Variants in FAM81B observed in about 807,000 individuals in gnomAD.
The protein encoded by FAM81B is protein FAM81B.
A neutral mutation model predicts 58.7 loss-of-function variants in FAM81B; 60 were observed. The ratio of observed to expected loss-of-function variants is 1.02; its 90% CI spans 0.83 to 1.27. The LOEUF is 1.27. Among genes scored for constraint, FAM81B ranks in the 50% most tolerant of loss-of-function variants. The pLI, the probability that FAM81B is intolerant of heterozygous loss-of-function variation, is 0.00. For missense variants in FAM81B, 491 were observed against 522.0 expected (o/e 0.94, Z 0.58); for synonymous variants, 189 against 179.6 (o/e 1.05, Z -0.42).
chr5:95,403,788 C>A (rs1310390145), intron 3 of FAM81B, among the ~76,000 whole-genome samples: 1 of 152,164 alleles, frequency 6.6e-6, no homozygotes, highest in African/African-American at 2.4e-5. Context: ...TCCAGAAGCC[C>A]CATAGCAGGT....
Position 95,423,547 on chromosome 5 carries a change from TAAAAAA to T in FAM81B, c.656+3161_656+3166del, listed in dbSNP as rs70978187. Among the ~76,000 whole-genome samples the T allele has an allele frequency of 9.4e-4, 116 of 123,460 alleles. 1 individual carries two copies. The highest frequency in any genetic ancestry group is 8.6e-3 in the Middle Eastern group (2 of 232). The allele number at this position is 123,460 out of a possible 152,430, so 81.0% of individuals were successfully genotyped here. On this transcript the variant is annotated intron_variant, in intron 5 of 9. Coordinates refer to ENST00000283357, the MANE Select transcript of FAM81B (RefSeq NM_152548.3). ...ACTCCAGAACAAACCTGCATGTGGG[TAAAAAA>T]AAAAAAAAAAAAAAAGATAAATTTT... is the stretch of plus-strand genomic sequence containing the variant.
chr5:95,423,839 C>G (rs1762752343), intron 5 of FAM81B, among the ~76,000 whole-genome samples: 1 of 152,128 alleles, frequency 6.6e-6, no homozygotes, highest in African/African-American at 2.4e-5. Flanking sequence ...TACAGTCCTT[C>G]TCAGATTTAA....
chr5:95,414,177 G>A lies in FAM81B; in HGVS notation c.524G>A (p.Ser175Asn), dbSNP rs1172129627. ...ATCACCAGCATCGTCAAAAAACTCA[G>A]CCAAAATATTGAGGTAGTTCTCTTT... Reference protein sequence around the residue: ...QTITSIVKKLSQNIEILEDQI... With the variant: ...QTITSIVKKLNQNIEILEDQI... The change falls in exon 4 of 10, where the codon AGC (serine) becomes AAC (asparagine). Residue 175 changes from serine to asparagine, a missense_variant. By Grantham distance (46) the Ser-to-Asn change is conservative. Coordinates refer to ENST00000283357, the MANE Select transcript of FAM81B (RefSeq NM_152548.3). 6.2e-7 allele frequency: 1 copy of A among 1,610,424 alleles called. No homozygotes were observed. Among genetic ancestry groups the A allele is most frequent in the East Asian group, 2.2e-5 (1 of 44,846 alleles).
rs567398182 is a variant in FAM81B at position 95,442,780 on chromosome 5, CT to C, written c.894-3781del. ...GAAGAAATTAGTTTGAGAGTTCTAC[CT>C]GTAGGTGTAAAGTTAGTAGAAAAAC... On this transcript the variant is annotated intron_variant, in intron 7 of 9. Coordinates refer to ENST00000283357, the MANE Select transcript of FAM81B (RefSeq NM_152548.3). 1.0e-3 allele frequency among the ~76,000 whole-genome samples: 155 copies of C among 152,268 alleles called. No homozygotes were observed. The Middle Eastern group carries it at 0.014, about 13-fold the overall frequency.
intron 5 of FAM81B, among the ~76,000 whole-genome samples, chr5:95,421,901 G>C (rs1291215093): frequency 6.6e-6 from 1 of 152,198 alleles, no homozygotes; most frequent in Non-Finnish European, 1.5e-5. Context: ...CTTGGAGACT[G>C]GTTGAATACT....
At chr5:95,410,191 G>A (rs955448609) in intron 3 of FAM81B, among the ~76,000 whole-genome samples, 1 of 152,096 alleles carries the variant, frequency 6.6e-6, no homozygotes, top group African/African-American at 2.4e-5. Context: ...CTTTTCTATC[G>A]GGAATGGGGA....
chr5:95,415,440 A>C (rs1468648337), intron 4 of FAM81B, among the ~76,000 whole-genome samples: 1 of 152,236 alleles, frequency 6.6e-6, no homozygotes, highest in Non-Finnish European at 1.5e-5. Context: ...CAGACCCCAT[A>C]ATGTACCTGA....
chr5:95,417,425 G>A (rs1762566164), intron 4 of FAM81B, among the ~76,000 whole-genome samples: 1 of 152,188 alleles, frequency 6.6e-6, no homozygotes, highest in African/African-American at 2.4e-5. Context: ...TTAGGGGGCT[G>A]ACTTGGGAGG....
chr5:95,447,958 C>T (rs972701825), intron 8 of FAM81B, among the ~76,000 whole-genome samples: 17 of 152,106 alleles, frequency 1.1e-4, no homozygotes, highest in Admixed American at 8.5e-4. Context: ...GGGAGTATGT[C>T]CAAGAAACTC....
At chr5:95,428,011 G>A (rs1467055721) in intron 5 of FAM81B, among the ~76,000 whole-genome samples, 5 of 152,198 alleles carry the variant, frequency 3.3e-5, no homozygotes, top group African/African-American at 1.2e-4. Flanking sequence ...ATATGTTAGT[G>A]TGAATTGGTT....
intron 6 of FAM81B, among the ~76,000 whole-genome samples, chr5:95,431,905 G>A (rs1744910820): frequency 6.6e-6 from 1 of 151,862 alleles, no homozygotes; most frequent in South Asian, 2.1e-4. Context: ...TTTAGCTCAT[G>A]TTTTTTCATT....
chr5:95,432,573 T>C (rs573007223), intron 6 of FAM81B, among the ~76,000 whole-genome samples: 1 of 152,176 alleles, frequency 6.6e-6, no homozygotes, highest in Admixed American at 6.5e-5. Flanking sequence ...AGACAAGGTC[T>C]CTTTCTGTTG....
intron 5 of FAM81B, among the ~76,000 whole-genome samples, chr5:95,425,018 A>G (rs2152766028): frequency 6.6e-6 from 1 of 152,204 alleles, no homozygotes; most frequent in Non-Finnish European, 1.5e-5. Context: ...ATGAGTTATA[A>G]AAAGTAAAAA....
chr5:95,433,669 A>G (rs1486922032), intron 6 of FAM81B, among the ~76,000 whole-genome samples: 8 of 152,268 alleles, frequency 5.3e-5, no homozygotes, highest in Admixed American at 4.6e-4. Context: ...ATTTTCATAC[A>G]TGTTCTAAAA....
At chr5:95,437,841 G>A (rs1745166594) in intron 7 of FAM81B, among the ~76,000 whole-genome samples, 1 of 151,564 alleles carries the variant, frequency 6.6e-6, no homozygotes, top group Admixed American at 6.6e-5. Flanking sequence ...CTAGTTACTT[G>A]GATACTATCA....
At chr5:95,423,914 C>A (rs2152765774) in intron 5 of FAM81B, 2 of 794,312 alleles carry the variant, frequency 2.5e-6, no homozygotes, top group East Asian at 6.4e-5. Flanking sequence ...TGGAATCAAG[C>A]AGCATTACTT....
chr5:95,392,999 C>G, intron 2 of FAM81B, 102 bp downstream of exon 2: 2 of 1,039,950 alleles, frequency 1.9e-6, no homozygotes, highest in South Asian at 4.3e-5. Flanking sequence ...AAGAATAGTT[C>G]TCCCACATTT....
intron 5 of FAM81B, chr5:95,424,020 A>G (rs1762758211): frequency 3.1e-6 from 4 of 1,289,268 alleles, no homozygotes; most frequent in Non-Finnish European, 4.0e-6. Flanking sequence ...CAAGGATGCA[A>G]CCGTGTTCTT....
chr5:95,418,708 TG>T (rs1422174552), intron 4 of FAM81B, among the ~76,000 whole-genome samples: 1 of 152,186 alleles, frequency 6.6e-6, no homozygotes, highest in Non-Finnish European at 1.5e-5. Context: ...GTATCCCCCT[TG>T]GATAAGAGGA....
Sources: allele counts gnomAD v4.1 joint callset (sites outside exome capture counted in the v4.1 genomes callset), GRCh38; gene constraint gnomAD v4.1.1; transcripts MANE v1.5; gene names NCBI Gene and HGNC (gene_info 2026-07-23, HGNC 2026-07-21).